The following THAP4 variants were observed in gnomAD, a reference collection of about 807,000 sequenced individuals.
THAP4 encodes THAP domain containing 4.
THAP4 carries 18 observed loss-of-function variants against 48.1 expected under a neutral mutation model. That is an observed-to-expected ratio of 0.37 (90% CI 0.26 to 0.56). THAP4 has a LOEUF of 0.56. Among genes scored for constraint, THAP4 ranks in the 20% least tolerant of loss-of-function variants. The pLI is 0.78. For synonymous variants in THAP4, 345 were observed against 324.9 expected (o/e 1.06, Z -0.66); for missense variants, 656 against 774.9 (o/e 0.85, Z 1.82).
chr2:241,613,921 G>T (rs972318305), intron 2 of THAP4, among the ~76,000 whole-genome samples: 2 of 152,124 alleles, frequency 1.3e-5, no homozygotes, highest in Non-Finnish European at 2.9e-5. Context: ...AGAGACCGAG[G>T]TGGGTGGATT....
At position 241,637,039 on chromosome 2, in the gene THAP4, G is replaced by T; in HGVS notation, c.-22C>A. 1 of 1,237,478 alleles carries T rather than the reference G, an allele frequency of 8.1e-7. No homozygotes were observed. Among genetic ancestry groups the T allele is most frequent in the South Asian group, 1.5e-5 (1 of 65,682 alleles). 76.7% of individuals were successfully genotyped at this position (1,237,478 alleles called of 1,614,324 possible). A position where few individuals can be genotyped will look rare whatever the true frequency, so the allele number is the denominator to read the frequency against. On this transcript the variant is annotated 5_prime_UTR_variant, in exon 1 of 6. Transcript: ENST00000407315. ...CCATCGCGGGCCTTGGCCCAGCCGC[G>T]CAGCCAGGCCCCGGCCCTAGCCGCC...
intron 5 of THAP4, 116 bp from the exon 6 acceptor site, chr2:241,584,841 C>T (rs2125063275): frequency 2.2e-6 from 3 of 1,359,526 alleles, no homozygotes; most frequent in South Asian, 2.6e-5. Context: ...AGGCAGTGGC[C>T]CTGCCAGAGG....
At chr2:241,636,502 G>C (rs892090337) in intron 1 of THAP4, among the ~76,000 whole-genome samples, 9 of 152,190 alleles carry the variant, frequency 5.9e-5, no homozygotes, top group African/African-American at 2.2e-4. Flanking sequence ...TCCTGGGCTC[G>C]GGGGCCCAGT....
At chr2:241,604,714 T>G (rs915199011) in intron 3 of THAP4, among the ~76,000 whole-genome samples, 4 of 152,098 alleles carry the variant, frequency 2.6e-5, no homozygotes, top group African/African-American at 9.7e-5. Context: ...CTGGCCAAGA[T>G]AAACTTATTT....
Position 241,606,462 on chromosome 2 carries a change from T to C in THAP4, c.1252A>G (p.Met418Val), listed in dbSNP as rs368516417. ...LLSPSREPPK[M>V]NPVVEPLSWM... ...GACAGTGGCTCCACCACTGGGTTCATCTTGGGGGGCTCTGAGGACAAAAGA... is the reference window on the plus strand; with the variant it reads ...GACAGTGGCTCCACCACTGGGTTCACCTTGGGGGGCTCTGAGGACAAAAGA... The change falls in exon 3 of 6, where the codon ATG becomes GTG. Residue 418 changes from methionine to valine, a missense_variant. Physicochemically the swap from Met to Val is conservative, Grantham distance 21 (BLOSUM62 1). Around this residue, in one of 4 missense-constraint regions of THAP4, gnomAD observed 176 missense variants for 256.7 expected, o/e 0.69. Coordinates refer to ENST00000407315, the MANE Select transcript of THAP4 (RefSeq NM_015963.6). 5.0e-6 allele frequency: 8 copies of C among 1,605,448 alleles called. No homozygotes were observed. Among genetic ancestry groups the C allele is most frequent in the Non-Finnish European group, 6.8e-6 (8 of 1,175,844 alleles).
At chr2:241,632,051 G>A (rs1047400173) in intron 2 of THAP4, among the ~76,000 whole-genome samples, 2 of 151,854 alleles carry the variant, frequency 1.3e-5, no homozygotes, top group African/African-American at 4.8e-5. Flanking sequence ...GGCATTACAG[G>A]AGTGTGCCAC....
intron 2 of THAP4, among the ~76,000 whole-genome samples, chr2:241,625,875 T>C (rs529902662): frequency 5.8e-5 from 7 of 121,290 alleles, no homozygotes; most frequent in Non-Finnish European, 1.1e-4. Context: ...GATGCAAAAA[T>C]CTCTAAGAAA....
chr2:241,637,066 G>A lies in THAP4; in HGVS notation c.-49C>T, dbSNP rs865907748. ...AGCCAGGCCCCGGCCCTAGCCGCCC[G>A]CCCGCCCGCGGACCGCCCCGAGGGA... On this transcript the variant is annotated 5_prime_UTR_variant, in exon 1 of 6. Transcript: ENST00000407315. The A allele has an allele frequency of 1.2e-5, 13 of 1,106,756 alleles. No individual in the cohort carries two copies. Among genetic ancestry groups the A allele is most frequent in the Non-Finnish European group, 1.4e-5 (13 of 902,012 alleles). 68.6% of individuals were successfully genotyped at this position (1,106,756 alleles called of 1,614,324 possible).
intron 3 of THAP4, among the ~76,000 whole-genome samples, chr2:241,603,438 G>C (rs192609020): frequency 7.3e-6 from 1 of 137,552 alleles, no homozygotes; most frequent in East Asian, 2.1e-4. Flanking sequence ...TTTTGGCTGT[G>C]TCTGTCTTAC....
chr2:241,608,638 T>C (rs2067220587), intron 2 of THAP4, among the ~76,000 whole-genome samples: 1 of 152,238 alleles, frequency 6.6e-6, no homozygotes, highest in East Asian at 1.9e-4. Context: ...TCTTTCATCA[T>C]TCAACGTGCT....
Position 241,603,084 on chromosome 2 carries a change from A to T in THAP4, c.1401-5T>A, listed in dbSNP as rs200580885. 8.2e-5 allele frequency: 132 copies of T among 1,612,882 alleles called. No individual in the cohort carries two copies. The African/African-American group carries it at 1.6e-3, about 20-fold the overall frequency. On this transcript the variant is annotated splice_region_variant and splice_polypyrimidine_tract_variant and intron_variant, in intron 3 of 5. Coordinates refer to ENST00000407315, the MANE Select transcript of THAP4 (RefSeq NM_015963.6). ...TCCGGGTGGAAGGAGTTGAACCTGG[A>T]CGGGAAGTTGGAGTTGAGAAGCCCA...
Position 241,606,488 on chromosome 2 carries a change from A to G in THAP4, c.1241-15T>C. 1 of 1,587,902 alleles carries G rather than the reference A, an allele frequency of 6.3e-7. No homozygotes were observed. The highest frequency in any genetic ancestry group is 1.3e-5 in the African/African-American group (1 of 74,520). ...CTTGGGGGGCTCTGAGGACAAAAGAATGAGACTATCAGTGGCCTCCCTCCA... is the reference window on the plus strand; with the variant it reads ...CTTGGGGGGCTCTGAGGACAAAAGAGTGAGACTATCAGTGGCCTCCCTCCA... On this transcript the variant is annotated splice_polypyrimidine_tract_variant and intron_variant, in intron 2 of 5. Transcript: ENST00000407315.
At chr2:241,629,643 A>C (rs990149156) in intron 2 of THAP4, among the ~76,000 whole-genome samples, 1 of 152,044 alleles carries the variant, frequency 6.6e-6, no homozygotes, top group Non-Finnish European at 1.5e-5. Flanking sequence ...TTGAGTTAAA[A>C]ATATAACTAT....
At chr2:241,597,789 G>A (rs1372619551) in intron 5 of THAP4, among the ~76,000 whole-genome samples, 11 of 152,076 alleles carry the variant, frequency 7.2e-5, no homozygotes, top group Middle Eastern at 3.2e-3. Flanking sequence ...CCATTAAGTC[G>A]CTCGGTAGAG....
intron 2 of THAP4, among the ~76,000 whole-genome samples, chr2:241,625,138 C>G (rs1189924480): frequency 6.6e-6 from 1 of 152,088 alleles, no homozygotes; most frequent in African/African-American, 2.4e-5. Flanking sequence ...CTAACTCATT[C>G]TGTGTGTCCA....
At chr2:241,590,982 T>G (rs62192989) in intron 5 of THAP4, among the ~76,000 whole-genome samples, 9 of 48,492 alleles carry the variant, frequency 1.9e-4, no homozygotes, top group South Asian at 7.5e-4. Flanking sequence ...ACTAGGACAC[T>G]CAGAGCTGCT....
At chr2:241,627,176 G>A (rs2067504402) in intron 2 of THAP4, among the ~76,000 whole-genome samples, 2 of 152,116 alleles carry the variant, frequency 1.3e-5, no homozygotes, top group African/African-American at 4.8e-5. Context: ...AACCAATACT[G>A]ATTCATTGCT....
chr2:241,618,440 AG>A (rs1446969718), intron 2 of THAP4, among the ~76,000 whole-genome samples: 40 of 152,340 alleles, frequency 2.6e-4, no homozygotes, highest in African/African-American at 8.7e-4. Flanking sequence ...TAAAATGGGT[AG>A]CTTTCCCACA....
upstream of THAP4, chr2:241,637,547 G>T (rs1003035284): frequency 1.4e-6 from 2 of 1,468,028 alleles, no homozygotes; most frequent in Non-Finnish European, 1.8e-6. Flanking sequence ...GCGTCGGCCC[G>T]GCCGTACGCC....
Sources: gnomAD v4.1 joint callset for allele counts (sites outside exome capture counted in the v4.1 genomes callset) on GRCh38, gnomAD v4.1.1 for gene constraint, gnomAD v4.1.1 regional missense constraint, MANE v1.5 for transcripts, NCBI Gene and HGNC (gene_info 2026-07-23, HGNC 2026-07-21) for gene names.